EMILIN2: variants seen among roughly 807,000 people sequenced by gnomAD.
EMILIN2 encodes elastin microfibril interfacer 2, also known as EMILIN-2.
In EMILIN2, 71 loss-of-function variants were observed where a neutral mutation model predicts 87.1. That is an observed-to-expected ratio of 0.82 (90% confidence interval 0.67 to 0.99). The LOEUF (loss-of-function observed/expected upper bound fraction) is 0.99, where lower values mean the gene tolerates loss of function less well. EMILIN2 is among the 50% of genes least tolerant of loss of function. EMILIN2 has a pLI of 0.00. For missense variants in EMILIN2, 1,407 were observed against 1,371.8 expected, an observed-to-expected ratio of 1.03 and a Z score of -0.40; for synonymous variants, 581 against 563.4, an observed-to-expected ratio of 1.03 and a Z score of -0.44.
chr18:2,905,213 C>T (rs1249740042), intron 4 of EMILIN2, among the ~76,000 whole-genome samples: 1 of 133,664 alleles, frequency 7.5e-6, no homozygotes, highest in Admixed American at 9.1e-5. Context: ...TTCTCTTGGG[C>T]TTCTCTCATG....
At chr18:2,876,721 G>A (rs957172546) in intron 2 of EMILIN2, among the ~76,000 whole-genome samples, 3 of 152,038 alleles carry the variant, frequency 2.0e-5, no homozygotes, top group Non-Finnish European at 4.4e-5. Flanking sequence ...AGCCAAGATA[G>A]TGCCACTGCA....
chr18:2,890,717 C>T lies in EMILIN2; in HGVS notation c.590C>T (p.Thr197Met), dbSNP rs79649705. The part of the protein sequence containing the change: ...LEEKVLRLTR[T>M]VLDLQSSLAG... ...GAGAAGGTTCTTCGACTCACAAGGA[C>T]GGTTCTTGACCTCCAGTCTTCCCTT... is the stretch of plus-strand genomic sequence containing the variant. Residue 197 changes from threonine to methionine, a missense_variant, in exon 4 of 8, where the codon ACG becomes ATG. Physicochemically the swap from Thr to Met is moderately conservative, Grantham distance 81. Coordinates refer to ENST00000254528, the MANE Select transcript of EMILIN2 (RefSeq NM_032048.3). The surrounding 1 kb of genome is among the most constrained non-coding windows in gnomAD (Gnocchi z 4.7). 1.6e-4 allele frequency: 255 copies of T among 1,614,132 alleles called. 1 individual carries two copies. The East Asian group carries it at 2.0e-3, about 13-fold the overall frequency.
intron 2 of EMILIN2, among the ~76,000 whole-genome samples, chr18:2,882,849 CTCCAG>C (rs2076783680): frequency 6.6e-6 from 1 of 150,652 alleles, no homozygotes; most frequent in South Asian, 2.1e-4. Context: ...CGCCATTGTA[CTCCAG>C]CCTGGGCAAC....
intron 2 of EMILIN2, among the ~76,000 whole-genome samples, chr18:2,857,940 C>G (rs549844607): frequency 2.0e-5 from 3 of 152,164 alleles, no homozygotes; most frequent in African/African-American, 7.2e-5. Flanking sequence ...TGGCCACTCT[C>G]GAGATTTGCG....
chr18:2,909,046 C>T, intron 6 of EMILIN2, 71 bp downstream of exon 6: 1 of 1,553,726 alleles, frequency 6.4e-7, no homozygotes, highest in Non-Finnish European at 8.9e-7. Context: ...CTCTGCATCT[C>T]CTGCCTCCTC....
chr18:2,909,325 A>G (rs979350222), intron 6 of EMILIN2, among the ~76,000 whole-genome samples: 1 of 152,226 alleles, frequency 6.6e-6, no homozygotes, highest in Non-Finnish European at 1.5e-5. Context: ...ATTAGTAAGG[A>G]AGCAGCTCCC....
chr18:2,900,601 T>C (rs1051048474), intron 4 of EMILIN2, among the ~76,000 whole-genome samples: 1 of 152,344 alleles, frequency 6.6e-6, no homozygotes. Context: ...GCCACCTTGG[T>C]GGCCTGCCCT....
intron 3 of EMILIN2, among the ~76,000 whole-genome samples, chr18:2,886,709 A>G (rs1452020548): frequency 1.3e-5 from 2 of 152,224 alleles, no homozygotes; most frequent in East Asian, 3.9e-4. Flanking sequence ...CTATGAATAG[A>G]TTTTCTTTCC....
chr18:2,856,974 G>A (rs9964929), intron 2 of EMILIN2, among the ~76,000 whole-genome samples: 42,651 of 151,760 alleles, frequency 0.28, 10,478 homozygotes, highest in African/African-American at 0.65. Context: ...AAATGGTGAT[G>A]AGGGCTGAAA....
chr18:2,864,521 T>A (rs947558838), intron 2 of EMILIN2, among the ~76,000 whole-genome samples: 1 of 152,254 alleles, frequency 6.6e-6, no homozygotes, highest in African/African-American at 2.4e-5. Flanking sequence ...TTGAAAATTC[T>A]TTTCTTTAAG....
chr18:2,909,371 CTAATA>C (rs1414162815), intron 6 of EMILIN2, among the ~76,000 whole-genome samples: 9 of 152,230 alleles, frequency 5.9e-5, no homozygotes, highest in Non-Finnish European at 1.2e-4. Flanking sequence ...GCCTGGCCTC[CTAATA>C]TGTGTGCTCA....
chr18:2,846,910 C>G, upstream of EMILIN2: 1 of 989,328 alleles, frequency 1.0e-6, no homozygotes, highest in Non-Finnish European at 1.2e-6. This position sits in a 1 kb window ranked among gnomAD's most constrained non-coding sequence, Gnocchi z 5.3. Flanking sequence ...GGGAGAGTCA[C>G]GTTTCGGAGA....
chr18:2,858,374 C>T (rs1400928615), intron 2 of EMILIN2, among the ~76,000 whole-genome samples: 2 of 150,932 alleles, frequency 1.3e-5, no homozygotes, highest in Non-Finnish European at 2.9e-5. Context: ...TTTGCATCCT[C>T]ATAGTTTGGC....
rs1217184203 is a variant in EMILIN2, at chr18:2,885,084, G to A, written c.378G>A (p.Val126=). 6.2e-7 allele frequency: 1 copy of A among 1,613,700 alleles called. No homozygotes were observed. The highest frequency in any genetic ancestry group is 2.2e-5 in the East Asian group (1 of 44,866). Residue 126 remains valine, a synonymous_variant, in exon 3 of 8, where the codon GTG becomes GTA. Coordinates refer to ENST00000254528, the MANE Select transcript of EMILIN2 (RefSeq NM_032048.3). ...GDCQEGPKDP[V]KTLRPTPARP... is the part of the protein sequence containing the mutation. ...GCCAAGAAGGTCCCAAAGACCCCGT[G>A]AAGACCCTCCGCCCCACGCCGGCTC... is the stretch of plus-strand genomic sequence containing the variant.
rs1180735843 is a variant in EMILIN2 at position 2,858,583 on chromosome 18, G to GTGTGTGTGTGTATA, written c.257+10653_257+10654insGTGTGTGTGTATAT. 9.8e-4 allele frequency among the ~76,000 whole-genome samples: 62 copies of GTGTGTGTGTGTATA among 63,030 alleles called. 3 individuals are homozygous for GTGTGTGTGTGTATA. Among genetic ancestry groups the GTGTGTGTGTGTATA allele is most frequent in the African/African-American group, 5.6e-3 (60 of 10,686 alleles). 41.4% of individuals were successfully genotyped at this position (63,030 alleles called of 152,430 possible). On this transcript the variant is annotated intron_variant, in intron 2 of 7. Transcript: ENST00000254528. Reference sequence around the variant, plus strand: ...TATATATATATATGTGTGTGTGTGTGTATATATATATATATATATGTGTAT... The same window carrying GTGTGTGTGTGTATA: ...TATATATATATATGTGTGTGTGTGTGTGTGTGTGTGTATATATATATATATATATATATGTGTAT...
intron 4 of EMILIN2, chr18:2,906,569 G>C (rs2076913318): frequency 2.7e-6 from 1 of 373,854 alleles, no homozygotes; most frequent in Non-Finnish European, 4.7e-6. Flanking sequence ...CCCCGGCCCC[G>C]GGCAGGGGTC....
intron 2 of EMILIN2, among the ~76,000 whole-genome samples, chr18:2,871,573 C>T (rs1229807521): frequency 6.6e-6 from 1 of 152,202 alleles, no homozygotes; most frequent in Non-Finnish European, 1.5e-5. Context: ...GTTCCTCCTG[C>T]TCCACAGGTT....
Position 2,914,240 on chromosome 18 carries a change from GT to G in EMILIN2, c.*840del, listed in dbSNP as rs1369708718. On this transcript the variant is annotated 3_prime_UTR_variant, in exon 8 of 8. Transcript: ENST00000254528. ...CTCCGCATCCAAGCTATACACTTGG[GT>G]TTTGTTTCTGGCTTGTGAAGACGGA... 6.6e-6 allele frequency: 1 copy of G among 152,266 alleles called. No individual in the cohort carries two copies. The highest frequency in any genetic ancestry group is 2.4e-5 in the African/African-American group (1 of 41,448). 9.4% of individuals were successfully genotyped at this position (152,266 alleles called of 1,614,324 possible).
At position 2,915,242 on chromosome 18, in the gene EMILIN2, G is replaced by T. The variant is rs1432681186; in HGVS notation, c.*1838G>T. 1 of 152,278 alleles carries T rather than the reference G, an allele frequency of 6.6e-6. No homozygotes were observed. The highest frequency in any genetic ancestry group is 1.5e-5 in the Non-Finnish European group (1 of 68,062). The allele number at this position is 152,278 out of a possible 1,614,324, so 9.4% of individuals were successfully genotyped here. A position where few individuals can be genotyped will look rare whatever the true frequency, so the allele number is the denominator to read the frequency against. ...CAACAATGGTGAATCTCAGCTCTGT[G>T]TATTCAAGACAGGCAAAACAGAATA... On this transcript the variant is annotated 3_prime_UTR_variant, in exon 8 of 8. Transcript: ENST00000254528.
Sources: gnomAD v4.1 joint callset for allele counts (sites outside exome capture counted in the v4.1 genomes callset) on GRCh38, gnomAD v4.1.1 for gene constraint, Gnocchi (gnomAD v3.1) non-coding constraint, MANE v1.5 for transcripts, NCBI Gene and HGNC (gene_info 2026-07-23, HGNC 2026-07-21) for gene names.